Variants in PCDHB8 observed in about 807,000 individuals in gnomAD.
The protein encoded by PCDHB8 is protocadherin beta-8.
For synonymous variants in PCDHB8, 385 were observed against 448.5 expected (o/e 0.86, Z 1.79); for missense variants, 836 against 1,004.0 (o/e 0.83, Z 2.26).
Position 141,180,430 on chromosome 5 carries a change from A to G in PCDHB8, c.2396A>G (p.Gln799Arg). 1.9e-6 allele frequency: 3 copies of G among 1,568,276 alleles called. No homozygotes were observed. The highest frequency in any genetic ancestry group is 2.6e-6 in the Non-Finnish European group (3 of 1,154,590). Residue 799 changes from glutamine to arginine, a missense_variant, in exon 1 of 1, where the codon CAG becomes CGG. By Grantham distance (43) the Gln-to-Arg change is conservative. Coordinates refer to ENST00000239444, the MANE Select transcript of PCDHB8 (RefSeq NM_019120.5). ...NFRNGFGFSL[Q>R]LK ...AGGAATGGCTTTGGTTTCAGCCTTC[A>G]GTTAAAGTAATTGATTTCATATTAT...
Position 141,180,394 on chromosome 5 carries a change from ACT to A in PCDHB8, c.2363_2364del (p.Ser788Ter), listed in dbSNP as rs1554281723. 6.3e-7 allele frequency: 1 copy of A among 1,598,278 alleles called. No individual in the cohort carries two copies. The highest frequency in any genetic ancestry group is 1.7e-5 in the Admixed American group (1 of 59,444). ...TCTTTTGGGCCAGAAATGGAACAAA[ACT>A]CTAACTTTAGGAATGGCTTTGGTTT... On this transcript the variant is annotated frameshift_variant, in exon 1 of 1. Transcript: ENST00000239444. LOFTEE classifies it low-confidence loss of function (END_TRUNC).
In PCDHB8 at chr5:141,178,805, A is replaced by G. The variant is rs782485411; in HGVS notation, c.771A>G (p.Pro257=). 39 of 1,614,130 alleles carry G rather than the reference A, an allele frequency of 2.4e-5. No homozygotes were observed. The East Asian group carries it at 4.9e-4, about 20-fold the overall frequency. ...FYRVQISEDS[P]ISFLVVKVSA... ...GGGTGCAGATCTCTGAGGACAGTCCAATAAGCTTCCTGGTTGTGAAGGTCT... is the reference window on the plus strand; with the variant it reads ...GGGTGCAGATCTCTGAGGACAGTCCGATAAGCTTCCTGGTTGTGAAGGTCT... The change falls in exon 1 of 1, where the codon CCA becomes CCG. Residue 257 remains proline (P), a synonymous_variant. Transcript: ENST00000239444.
rs782724794 is a variant in PCDHB8, at chr5:141,179,917, C to G, written c.1883C>G (p.Ala628Gly). ...GCGCACAATGGCGAGGTGCGCACCG[C>G]CAGGCTGCTGAGCGAGCGCGACGCG... The part of the protein sequence containing the change: ...VWAHNGEVRT[A>G]RLLSERDAAK... The change falls in exon 1 of 1, where the codon GCC becomes GGC. Residue 628 changes from alanine (A) to glycine (G), a missense_variant. Transcript: ENST00000239444. 3 of 1,609,212 alleles carry G rather than the reference C, an allele frequency of 1.9e-6. No individual in the cohort carries two copies. Among genetic ancestry groups the G allele is most frequent in the Non-Finnish European group, 2.5e-6 (3 of 1,179,568 alleles).
Position 141,178,489 on chromosome 5 carries a change from C to A in PCDHB8, c.455C>A (p.Ala152Glu). The change falls in exon 1 of 1, where the codon GCG becomes GAG. Residue 152 changes from alanine to glutamate, a missense_variant. By Grantham distance (107) the Ala-to-Glu change is moderately radical (BLOSUM62 -1). Transcript: ENST00000239444. ...KVSESSPPGTAFPLKNAEDLD... is the reference protein window; with the variant it reads ...KVSESSPPGTEFPLKNAEDLD... The stretch of plus-strand genomic sequence containing the variant: ...TCAGAGAGCAGTCCTCCTGGGACTG[C>A]GTTTCCTCTGAAGAATGCTGAAGAC... 1.9e-6 allele frequency: 3 copies of A among 1,614,138 alleles called. No individual in the cohort carries two copies. The highest frequency in any genetic ancestry group is 2.5e-6 in the Non-Finnish European group (3 of 1,180,028).
In PCDHB8 at chr5:141,180,291, G is replaced by C. The variant is rs782167467; in HGVS notation, c.2257G>C (p.Glu753Gln). ...GAGCCTGTCTCAGAACTATCAGTACGAGGTGTGCCTGGCAGGAGGCTCAGG... is the reference window on the plus strand; with the variant it reads ...GAGCCTGTCTCAGAACTATCAGTACCAGGTGTGCCTGGCAGGAGGCTCAGG... Reference protein sequence around the residue: ...TGSLSQNYQYEVCLAGGSGTN... With the variant: ...TGSLSQNYQYQVCLAGGSGTN... The change falls in exon 1 of 1, where the codon GAG (glutamate) becomes CAG (glutamine). Residue 753 changes from glutamate to glutamine, a missense_variant. Transcript: ENST00000239444. 2 of 1,613,940 alleles carry C rather than the reference G, an allele frequency of 1.2e-6. No individual in the cohort carries two copies. The highest frequency in any genetic ancestry group is 1.7e-6 in the Non-Finnish European group (2 of 1,179,982).
rs781868647 is a variant in PCDHB8 at position 141,180,368 on chromosome 5, T to C, written c.2334T>C (p.His778=). 1.2e-6 allele frequency: 2 copies of C among 1,613,440 alleles called. No homozygotes were observed. The highest frequency in any genetic ancestry group is 1.7e-4 in the Middle Eastern group (1 of 6,048). The change falls in exon 1 of 1, where the codon CAT becomes CAC. Residue 778 remains histidine, a synonymous_variant. Transcript: ENST00000239444. ...LKPVLPNIQG[H]SFGPEMEQNS... ...CAGTATTACCTAATATTCAGGGCCA[T>C]TCTTTTGGGCCAGAAATGGAACAAA...
chr5:141,180,016 T>C lies in PCDHB8; in HGVS notation c.1982T>C (p.Val661Ala), dbSNP rs782719463. ...PPCSATATLHVLLVDGFSQPY... is the reference protein window; with the variant it reads ...PPCSATATLHALLVDGFSQPY... Reference sequence around the variant, plus strand: ...TGCTCGGCCACCGCCACGCTGCACGTGCTCCTGGTGGACGGCTTCTCCCAG... The same window carrying C: ...TGCTCGGCCACCGCCACGCTGCACGCGCTCCTGGTGGACGGCTTCTCCCAG... The change falls in exon 1 of 1, where the codon GTG (valine) becomes GCG (alanine). Residue 661 changes from valine (V) to alanine (A), a missense_variant. Val to Ala is a moderately conservative substitution (Grantham distance 64). Coordinates refer to ENST00000239444, the MANE Select transcript of PCDHB8 (RefSeq NM_019120.5). The C allele has an allele frequency of 1.5e-5, 24 of 1,608,950 alleles. No homozygotes were observed. In the Admixed American group the frequency reaches 4.0e-4, roughly 27 times the overall value.
At position 141,179,180 on chromosome 5, in the gene PCDHB8, A is replaced by G; in HGVS notation, c.1146A>G (p.Ile382Met). The G allele has an allele frequency of 6.2e-7, 1 of 1,614,190 alleles. No individual in the cohort carries two copies. Among genetic ancestry groups the G allele is most frequent in the Non-Finnish European group, 8.5e-7 (1 of 1,180,046 alleles). Residue 382 changes from isoleucine to methionine, a missense_variant, in exon 1 of 1, where the codon ATA becomes ATG. Physicochemically the swap from Ile to Met is conservative, Grantham distance 10 (BLOSUM62 1). Transcript: ENST00000239444. ...TTGATTCAGGAGAAAATGGGAAAAT[A>G]AGTTGCTCCATTCAGGAGGATCTAC... ...SDLDSGENGK[I>M]SCSIQEDLPF...
At position 141,180,084 on chromosome 5, in the gene PCDHB8, G is replaced by A. The variant is rs1753515213; in HGVS notation, c.2050G>A (p.Ala684Thr). ...LPEAAPAQGQADSLTVYLVVA... is the reference protein window; with the variant it reads ...LPEAAPAQGQTDSLTVYLVVA... ...GGAGGCTGCCCCAGCCCAGGGCCAG[G>A]CCGACTCTCTCACCGTCTACCTGGT... The change falls in exon 1 of 1, where the codon GCC becomes ACC. Residue 684 changes from alanine to threonine, a missense_variant. Physicochemically the swap from Ala to Thr is moderately conservative, Grantham distance 58 (BLOSUM62 0). Coordinates refer to ENST00000239444, the MANE Select transcript of PCDHB8 (RefSeq NM_019120.5). The A allele has an allele frequency of 1.9e-6, 3 of 1,609,968 alleles. No homozygotes were observed. The South Asian group carries it at 3.3e-5, about 18-fold the overall frequency.
rs1409053913 is a variant in PCDHB8, at chr5:141,178,794, G to A, written c.760G>A (p.Glu254Lys). 1.2e-5 allele frequency: 20 copies of A among 1,614,034 alleles called. No individual in the cohort carries two copies. The Admixed American group carries it at 1.5e-4, about 12-fold the overall frequency. ...EQPFYRVQIS[E>K]DSPISFLVVK... ...GCCTTTCTATAGGGTGCAGATCTCTGAGGACAGTCCAATAAGCTTCCTGGT... is the reference window on the plus strand; with the variant it reads ...GCCTTTCTATAGGGTGCAGATCTCTAAGGACAGTCCAATAAGCTTCCTGGT... The change falls in exon 1 of 1, where the codon GAG becomes AAG. Residue 254 changes from glutamate to lysine, a missense_variant. By Grantham distance (56) the Glu-to-Lys change is moderately conservative. Transcript: ENST00000239444.
In PCDHB8 at chr5:141,178,112, G is replaced by T; in HGVS notation, c.78G>T (p.Ala26=). 6.2e-7 allele frequency: 1 copy of T among 1,610,412 alleles called. No individual in the cohort carries two copies. The highest frequency in any genetic ancestry group is 8.5e-7 in the Non-Finnish European group (1 of 1,178,602). The change falls in exon 1 of 1, where the codon GCG becomes GCT. Residue 26 remains alanine, a synonymous_variant. Coordinates refer to ENST00000239444, the MANE Select transcript of PCDHB8 (RefSeq NM_019120.5). ...TTCTCCTTTTGGGCTTATCTCTGGC[G>T]GGCGCGGCGGAACCTAGAAGCTATT... The part of the protein sequence containing the change: ...FSFLLLGLSL[A]GAAEPRSYSV...
In PCDHB8 at chr5:141,180,098, C is replaced by A. The variant is rs17844507; in HGVS notation, c.2064C>A (p.Thr688=). The A allele has an allele frequency of 1.9e-6, 3 of 1,610,404 alleles. No individual in the cohort carries two copies. The highest frequency in any genetic ancestry group is 1.3e-5 in the African/African-American group (1 of 74,958). ...APAQGQADSL[T]VYLVVALASV... ...CCCAGGGCCAGGCCGACTCTCTCAC[C>A]GTCTACCTGGTGGTGGCGTTGGCCT... Residue 688 remains threonine (T), a synonymous_variant, in exon 1 of 1, where the codon ACC becomes ACA. Coordinates refer to ENST00000239444, the MANE Select transcript of PCDHB8 (RefSeq NM_019120.5).
chr5:141,180,471 T>C lies in PCDHB8; in HGVS notation c.*31T>C. ...TTCATATTATATATTTTAATTTTTATGATCAATTCAAAGGAATGGTTTTCT... is the reference window on the plus strand; with the variant it reads ...TTCATATTATATATTTTAATTTTTACGATCAATTCAAAGGAATGGTTTTCT... On this transcript the variant is annotated 3_prime_UTR_variant, in exon 1 of 1. Coordinates refer to ENST00000239444, the MANE Select transcript of PCDHB8 (RefSeq NM_019120.5). 2.1e-6 allele frequency: 3 copies of C among 1,402,252 alleles called. No homozygotes were observed. The highest frequency in any genetic ancestry group is 2.6e-4 in the Middle Eastern group (1 of 3,806). The allele number at this position is 1,402,252 out of a possible 1,614,324, so 86.9% of individuals were successfully genotyped here.
rs781980088 is a variant in PCDHB8 at position 141,180,427 on chromosome 5, T to C, written c.2393T>C (p.Leu798Pro). 1 of 1,582,814 alleles carries C rather than the reference T, an allele frequency of 6.3e-7. No individual in the cohort carries two copies. The highest frequency in any genetic ancestry group is 8.6e-7 in the Non-Finnish European group (1 of 1,160,098). ...TTTAGGAATGGCTTTGGTTTCAGCC[T>C]TCAGTTAAAGTAATTGATTTCATAT... is the stretch of plus-strand genomic sequence containing the variant. ...SNFRNGFGFSLQLK is the reference protein window; with the variant it reads ...SNFRNGFGFSPQLK Residue 798 changes from leucine to proline, a missense_variant, in exon 1 of 1, where the codon CTT becomes CCT. By Grantham distance (98) the Leu-to-Pro change is moderately conservative. Coordinates refer to ENST00000239444, the MANE Select transcript of PCDHB8 (RefSeq NM_019120.5).
rs146359786 is a variant in PCDHB8 at position 141,178,737 on chromosome 5, G to A, written c.703G>A (p.Asp235Asn). 1.3e-6 allele frequency: 2 copies of A among 1,575,816 alleles called. No individual in the cohort carries two copies. Among genetic ancestry groups the A allele is most frequent in the African/African-American group, 1.3e-5 (1 of 74,710 alleles). ...GTAQVYIEVV[D>N]VNDNAPEFEQ... ...TGCTCAGGTCTACATTGAAGTTGTC[G>A]ATGTCAATGATAATGCCCCTGAATT... is the stretch of plus-strand genomic sequence containing the variant. The change falls in exon 1 of 1, where the codon GAT becomes AAT. Residue 235 changes from aspartate to asparagine, a missense_variant. Asp to Asn is a conservative substitution (Grantham distance 23). Coordinates refer to ENST00000239444, the MANE Select transcript of PCDHB8 (RefSeq NM_019120.5).
In PCDHB8 at chr5:141,180,285, C is replaced by G. The variant is rs1588356470; in HGVS notation, c.2251C>G (p.Gln751Glu). The G allele has an allele frequency of 6.2e-7, 1 of 1,614,008 alleles. No homozygotes were observed. The highest frequency in any genetic ancestry group is 1.1e-5 in the South Asian group (1 of 91,064). The change falls in exon 1 of 1, where the codon CAG (glutamine) becomes GAG (glutamate). Residue 751 changes from glutamine to glutamate, a missense_variant. By Grantham distance (29) the Gln-to-Glu change is conservative. Coordinates refer to ENST00000239444, the MANE Select transcript of PCDHB8 (RefSeq NM_019120.5). Reference protein sequence around the residue: ...RGTGSLSQNYQYEVCLAGGSG... With the variant: ...RGTGSLSQNYEYEVCLAGGSG... ...CACCGGGAGCCTGTCTCAGAACTAT[C>G]AGTACGAGGTGTGCCTGGCAGGAGG...
In PCDHB8 at chr5:141,180,345, G is replaced by A. The variant is rs559315973; in HGVS notation, c.2311G>A (p.Val771Ile). 6.2e-7 allele frequency: 1 copy of A among 1,614,102 alleles called. No homozygotes were observed. Among genetic ancestry groups the A allele is most frequent in the African/African-American group, 1.3e-5 (1 of 75,048 alleles). ...GAATGAGTTCCAGCTCCTGAAACCA[G>A]TATTACCTAATATTCAGGGCCATTC... is the stretch of plus-strand genomic sequence containing the variant. ...GTNEFQLLKP[V>I]LPNIQGHSFG... The change falls in exon 1 of 1, where the codon GTA becomes ATA. Residue 771 changes from valine (V) to isoleucine (I), a missense_variant. Physicochemically the swap from Val to Ile is conservative, Grantham distance 29. Transcript: ENST00000239444.
chr5:141,180,196 C>A lies in PCDHB8; in HGVS notation c.2162C>A (p.Ala721Asp). The change falls in exon 1 of 1, where the codon GCC becomes GAC. Residue 721 changes from alanine to aspartate, a missense_variant. Coordinates refer to ENST00000239444, the MANE Select transcript of PCDHB8 (RefSeq NM_019120.5). ...CTGCTGTGTAGGAGGAGCAGGGCGG[C>A]CTCGGTGGGTCGCTGCTCAGTGCCT... ...AVLLCRRSRA[A>D]SVGRCSVPEG... 1.2e-6 allele frequency: 2 copies of A among 1,612,786 alleles called. No homozygotes were observed. The highest frequency in any genetic ancestry group is 2.2e-5 in the South Asian group (2 of 91,002).
In PCDHB8 at chr5:141,180,216, G is replaced by C. The variant is rs1554281637; in HGVS notation, c.2182G>C (p.Val728Leu). 6.2e-7 allele frequency: 1 copy of C among 1,612,804 alleles called. No homozygotes were observed. Among genetic ancestry groups the C allele is most frequent in the Admixed American group, 1.7e-5 (1 of 59,982 alleles). The stretch of plus-strand genomic sequence containing the variant: ...GGCGGCCTCGGTGGGTCGCTGCTCA[G>C]TGCCTGAGGGCCCCTTTCCAGGGCA... ...SRAASVGRCS[V>L]PEGPFPGHLV... Residue 728 changes from valine to leucine, a missense_variant, in exon 1 of 1, where the codon GTG becomes CTG. Physicochemically the swap from Val to Leu is conservative, Grantham distance 32 (BLOSUM62 1). Transcript: ENST00000239444.
Sources: gnomAD v4.1 joint callset for allele counts on GRCh38, gnomAD v4.1.1 for gene constraint, MANE v1.5 for transcripts, NCBI Gene and HGNC (gene_info 2026-07-23, HGNC 2026-07-21) for gene names.